ARMH4: variants seen among roughly 807,000 people sequenced by gnomAD.
The protein encoded by ARMH4 is armadillo like helical domain containing 4.
Under a neutral mutation model 61.9 loss-of-function variants are expected in ARMH4, and 49 were observed. That is an observed-to-expected ratio of 0.79 (90% CI 0.63 to 1.00). The LOEUF (loss-of-function observed/expected upper bound fraction) is 1.00. Ranked by LOEUF, ARMH4 falls within the 50% of genes least tolerant of loss-of-function variation. The probability of loss-of-function intolerance (pLI) is 0.00; values close to 1 mark genes in which losing one functional copy is unlikely to be tolerated. For synonymous variants in ARMH4, 368 were observed against 341.5 expected (o/e 1.08, Z -0.85); for missense variants, 934 against 930.0 (o/e 1.00, Z -0.06).
At chr14:58,077,779 C>T (rs1885095062) in intron 5 of ARMH4, among the ~76,000 whole-genome samples, 1 of 152,236 alleles carries the variant, frequency 6.6e-6, no homozygotes, top group African/African-American at 2.4e-5. Flanking sequence ...TTGGAATCCA[C>T]ATCTTTTTTA....
At chr14:58,040,286 T>A in intron 5 of ARMH4, among the ~76,000 whole-genome samples, 1 of 152,124 alleles carries the variant, frequency 6.6e-6, no homozygotes, top group Non-Finnish European at 1.5e-5. Context: ...TACCCAGTCG[T>A]TGTTTGTTCT....
chr14:58,148,049 T>G (rs1171701985), intron 1 of ARMH4, among the ~76,000 whole-genome samples: 1 of 152,040 alleles, frequency 6.6e-6, no homozygotes, highest in East Asian at 1.9e-4. Context: ...TAAGTTGGTT[T>G]TTTGTTTGTT....
intron 5 of ARMH4, among the ~76,000 whole-genome samples, chr14:58,083,211 C>T (rs1391447788): frequency 1.3e-5 from 2 of 152,150 alleles, no homozygotes; most frequent in Non-Finnish European, 2.9e-5. Flanking sequence ...GTCCATAAGT[C>T]AACTTTTTTC....
intron 6 of ARMH4, among the ~76,000 whole-genome samples, chr14:58,009,774 G>A (rs1222082391): frequency 7.8e-6 from 1 of 128,014 alleles, no homozygotes; most frequent in African/African-American, 3.0e-5. Flanking sequence ...TCATGCCACT[G>A]CACTCCAGCC....
chr14:58,141,530 A>C (rs61734700), intron 1 of ARMH4: 66 of 532,302 alleles, frequency 1.2e-4, no homozygotes, highest in African/African-American at 1.2e-3. Flanking sequence ...TCCCTCCGCC[A>C]GCTCGTCCAG....
At chr14:58,107,243 C>A (rs1012803085) in intron 4 of ARMH4, among the ~76,000 whole-genome samples, 2 of 152,188 alleles carry the variant, frequency 1.3e-5, no homozygotes, top group Non-Finnish European at 2.9e-5. Context: ...GTCATCCCAA[C>A]AATGACGGCA....
At chr14:58,111,421 T>G (rs370755838) in intron 4 of ARMH4, among the ~76,000 whole-genome samples, 50 of 152,286 alleles carry the variant, frequency 3.3e-4, no homozygotes, top group African/African-American at 1.1e-3. Flanking sequence ...ATCTAAGCTT[T>G]CAGCAAACTA....
chr14:58,078,004 A>G (rs1277808377), intron 5 of ARMH4, among the ~76,000 whole-genome samples: 1 of 152,230 alleles, frequency 6.6e-6, no homozygotes, highest in Non-Finnish European at 1.5e-5. Flanking sequence ...TAGCTTTCTG[A>G]TATTTGCCTT....
chr14:58,097,747 C>A (rs969456689), intron 4 of ARMH4, among the ~76,000 whole-genome samples: 5 of 150,718 alleles, frequency 3.3e-5, no homozygotes, highest in African/African-American at 7.3e-5. Flanking sequence ...GCTCTGTCAC[C>A]CAGGCTGGAG....
intron 4 of ARMH4, among the ~76,000 whole-genome samples, chr14:58,098,912 G>C (rs1024657120): frequency 6.6e-6 from 1 of 152,148 alleles, no homozygotes; most frequent in Non-Finnish European, 1.5e-5. Flanking sequence ...AAAAAAGAAG[G>C]CTGACAAGGA....
In ARMH4 at chr14:58,123,058, C is replaced by A. The variant is rs371489276; in HGVS notation, c.1831+8454G>T. 2.1e-3 allele frequency among the ~76,000 whole-genome samples: 318 copies of A among 152,240 alleles called. 1 individual carries two copies. The highest frequency in any genetic ancestry group is 6.9e-3 in the African/African-American group (285 of 41,548). ...AACTGTCCTCCAGATCTGTCACTAT[C>A]CGAGGGGTCCTAGGACAGCCAGTCA... is the stretch of plus-strand genomic sequence containing the variant. On this transcript the variant is annotated intron_variant, in intron 4 of 7. Coordinates refer to ENST00000267485, the MANE Select transcript of ARMH4 (RefSeq NM_001001872.4).
intron 6 of ARMH4, among the ~76,000 whole-genome samples, chr14:58,011,894 T>C (rs1882422873): frequency 1.3e-5 from 2 of 152,168 alleles, no homozygotes; most frequent in Non-Finnish European, 2.9e-5. Flanking sequence ...TACACTTTTA[T>C]AAGAGTGAAT....
At chr14:58,050,500 G>A (rs561865392) in intron 5 of ARMH4, among the ~76,000 whole-genome samples, 13 of 152,304 alleles carry the variant, frequency 8.5e-5, no homozygotes, top group Admixed American at 8.5e-4. Context: ...AATTGATCAA[G>A]GGGGAACACA....
intron 5 of ARMH4, among the ~76,000 whole-genome samples, chr14:58,042,363 G>A (rs201804682): frequency 3.9e-5 from 6 of 152,230 alleles, no homozygotes; most frequent in East Asian, 3.9e-4. Flanking sequence ...GGTACATAAC[G>A]AAATGAAGGC....
At chr14:58,043,688 T>G (rs952765077) in intron 5 of ARMH4, among the ~76,000 whole-genome samples, 1 of 152,228 alleles carries the variant, frequency 6.6e-6, no homozygotes, top group Admixed American at 6.5e-5. Context: ...GTTGACATGA[T>G]TGTATATCTA....
In ARMH4 at chr14:58,113,285, G is replaced by A. The variant is rs146167661; in HGVS notation, c.1832-16304C>T. Among the ~76,000 whole-genome samples, 13 of 152,254 alleles carry A rather than the reference G, an allele frequency of 8.5e-5. No individual in the cohort carries two copies. The East Asian group carries it at 2.5e-3, about 29-fold the overall frequency. On this transcript the variant is annotated intron_variant, in intron 4 of 7. Coordinates refer to ENST00000267485, the MANE Select transcript of ARMH4 (RefSeq NM_001001872.4). ...AAGATCAACCCCTATATTGCTGCAT[G>A]TGGCAATCATCCATTCATATTTAGC...
At chr14:58,139,892 T>C (rs569627535) in intron 1 of ARMH4, among the ~76,000 whole-genome samples, 1 of 152,260 alleles carries the variant, frequency 6.6e-6, no homozygotes, top group East Asian at 1.9e-4. Context: ...ATCAGCAACA[T>C]GGTAGTATTA....
chr14:58,026,288 A>G (rs1883017381), intron 5 of ARMH4, among the ~76,000 whole-genome samples: 1 of 152,014 alleles, frequency 6.6e-6, no homozygotes, highest in Non-Finnish European at 1.5e-5. Flanking sequence ...ATTATTCACC[A>G]GGGGAGAAAA....
chr14:58,107,763 CA>C (rs34507217), intron 4 of ARMH4, among the ~76,000 whole-genome samples: 35,537 of 97,182 alleles, frequency 0.37, 5,097 homozygotes, highest in Middle Eastern at 0.47. Flanking sequence ...GACTCCATCT[CA>C]AAAAAAAAAA....
Sources: gnomAD v4.1 joint callset for allele counts (sites outside exome capture counted in the v4.1 genomes callset) on GRCh38, gnomAD v4.1.1 for gene constraint, MANE v1.5 for transcripts, NCBI Gene and HGNC (gene_info 2026-07-23, HGNC 2026-07-21) for gene names.